Variants in CDK12 observed in about 807,000 individuals in gnomAD.
CDK12 encodes the protein cyclin-dependent kinase 12.
A neutral mutation model predicts 133.8 loss-of-function variants in CDK12; 17 were observed. The ratio of observed to expected loss-of-function variants is 0.13; its 90% CI spans 0.09 to 0.19. The LOEUF is 0.19. Among genes scored for constraint, CDK12 ranks in the 10% least tolerant of loss-of-function variants. CDK12 has a pLI of 1.00. For missense variants in CDK12, 1,508 were observed against 1,818.7 expected (o/e 0.83, Z 3.11); for synonymous variants, 694 against 683.6 (o/e 1.02, Z -0.24).
At chr17:39,552,321 G>C (rs541075516) in intron 2 of CDK12, among the ~76,000 whole-genome samples, 1 of 152,344 alleles carries the variant, frequency 6.6e-6, no homozygotes, top group African/African-American at 2.4e-5. Context: ...CTCTTGTTGG[G>C]AGAGCAGATA....
chr17:39,533,347 C>T lies in CDK12; in HGVS notation c.*2031C>T, dbSNP rs1416900436. On this transcript the variant is annotated 3_prime_UTR_variant, in exon 14 of 14. Coordinates refer to ENST00000447079, the MANE Select transcript of CDK12 (RefSeq NM_016507.4). Reference sequence around the variant, plus strand: ...GCTATTGGTAAATCGCATTAAAGTTCATCTGAACCTTCTGTCTGTTGACTT... The same window carrying T: ...GCTATTGGTAAATCGCATTAAAGTTTATCTGAACCTTCTGTCTGTTGACTT... The T allele has an allele frequency of 2.1e-5, 5 of 232,944 alleles. No individual in the cohort carries two copies. The highest frequency in any genetic ancestry group is 3.4e-5 in the Non-Finnish European group (4 of 117,904). The allele number at this position is 232,944 out of a possible 1,614,324, so 14.4% of individuals were successfully genotyped here. A position where few individuals can be genotyped will look rare whatever the true frequency, so the allele number is the denominator to read the frequency against.
Position 39,471,440 on chromosome 17 carries a change from A to AACC in CDK12, c.1608_1609insACC (p.Pro536_Pro537insThr). ...CTCTTCCCACAATTGCTTCTCCCCC[A>AACC]CCCCCTCTACCAACTACTACCCCTC... On this transcript the variant is annotated inframe_insertion, in exon 2 of 14. Transcript: ENST00000447079. 1 of 1,281,654 alleles carries AACC rather than the reference A, an allele frequency of 7.8e-7. No homozygotes were observed. The highest frequency in any genetic ancestry group is 1.0e-6 in the Non-Finnish European group (1 of 964,482). The allele number at this position is 1,281,654 out of a possible 1,614,324, so 79.4% of individuals were successfully genotyped here. A position where few individuals can be genotyped will look rare whatever the true frequency, so the allele number is the denominator to read the frequency against.
At chr17:39,497,291 C>A (rs1481354371) in intron 5 of CDK12, among the ~76,000 whole-genome samples, 2 of 152,044 alleles carry the variant, frequency 1.3e-5, no homozygotes, top group Admixed American at 6.6e-5. Flanking sequence ...TGCCTATAAT[C>A]CCAGCATTTT....
chr17:39,480,663 TC>T (rs2050572386), intron 2 of CDK12, among the ~76,000 whole-genome samples: 1 of 152,032 alleles, frequency 6.6e-6, no homozygotes, highest in African/African-American at 2.4e-5. Context: ...CCTCAAGTGA[TC>T]CACCTGCCTT....
chr17:39,521,351 A>G (rs1289038015), intron 11 of CDK12, among the ~76,000 whole-genome samples: 2 of 151,540 alleles, frequency 1.3e-5, no homozygotes, highest in Admixed American at 1.3e-4. Context: ...GCTCACTGCA[A>G]TCTCCGCCTC....
intron 3 of CDK12, among the ~76,000 whole-genome samples, chr17:39,491,701 A>AT (rs766596742): frequency 0.066 from 7,728 of 117,906 alleles, 259 homozygotes; most frequent in Non-Finnish European, 0.087. Flanking sequence ...CTGTTTATGT[A>AT]TTTTTTTTTT....
At chr17:39,489,183 C>G (rs768288415) in intron 2 of CDK12, among the ~76,000 whole-genome samples, 1 of 151,438 alleles carries the variant, frequency 6.6e-6, no homozygotes, top group Non-Finnish European at 1.5e-5. Context: ...GGGGTTCAAG[C>G]AGTTCTCCTG....
At chr17:39,563,088 T>A (rs2056439904) in intron 3 of CDK12, among the ~76,000 whole-genome samples, 1 of 152,118 alleles carries the variant, frequency 6.6e-6, no homozygotes, top group Non-Finnish European at 1.5e-5. Context: ...ATTAATGTCT[T>A]CTCGGCTCAG....
intron 1 of CDK12, among the ~76,000 whole-genome samples, chr17:39,470,263 G>A (rs9747574): frequency 6.6e-6 from 1 of 151,696 alleles, no homozygotes; most frequent in Non-Finnish European, 1.5e-5. Flanking sequence ...TGGGACTACA[G>A]GTGCCTGCCA....
intron 8 of CDK12, among the ~76,000 whole-genome samples, chr17:39,512,789 T>C (rs1416677463): frequency 6.6e-6 from 1 of 152,214 alleles, no homozygotes; most frequent in Non-Finnish European, 1.5e-5. Context: ...AGTTAATTCT[T>C]TCATTTTATA....
At chr17:39,564,841 G>C (rs2056515824), downstream of CDK12, 1 of 152,264 alleles carries the variant, frequency 6.6e-6, no homozygotes, top group Admixed American at 6.5e-5. Flanking sequence ...TTCTGAACAG[G>C]GAAGAGTGGA....
intron 12 of CDK12, among the ~76,000 whole-genome samples, chr17:39,525,387 G>A (rs918886809): frequency 2.0e-5 from 3 of 151,998 alleles, no homozygotes; most frequent in Non-Finnish European, 2.9e-5. Context: ...CCAATTCTTC[G>A]GGACAAAAGA....
intron 1 of CDK12, chr17:39,550,507 T>C (rs2055911043): frequency 1.3e-5 from 2 of 151,992 alleles, no homozygotes; most frequent in South Asian, 2.1e-4. Context: ...TGCTGTAAAA[T>C]TGTGAAAGGA....
intron 2 of CDK12, among the ~76,000 whole-genome samples, chr17:39,478,148 T>TG (rs1485659109): frequency 6.6e-6 from 1 of 151,646 alleles, no homozygotes; most frequent in African/African-American, 2.4e-5. Flanking sequence ...CCTTCCACCT[T>TG]GGCATCCCTA....
At position 39,511,637 on chromosome 17, in the gene CDK12, T is replaced by A. The variant is rs1344525608; in HGVS notation, c.2768+7T>A. ...TAGATGTTTGGAGCTGTGGGTAAGG[T>A]TCTGTTAACTTTTTCTTTTGTCTGT... On this transcript the variant is annotated splice_region_variant and intron_variant, in intron 8 of 13. Transcript: ENST00000447079. 1 of 1,581,280 alleles carries A rather than the reference T, an allele frequency of 6.3e-7. No individual in the cohort carries two copies. The highest frequency in any genetic ancestry group is 8.7e-7 in the Non-Finnish European group (1 of 1,152,250).
intron 3 of CDK12, among the ~76,000 whole-genome samples, chr17:39,561,641 C>A (rs1039050568): frequency 2.0e-5 from 3 of 152,186 alleles, no homozygotes; most frequent in African/African-American, 7.2e-5. Flanking sequence ...GGCTCCTCTC[C>A]TGGGAGTTCT....
intron 6 of CDK12, among the ~76,000 whole-genome samples, chr17:39,503,516 C>A (rs1002857232): frequency 3.3e-5 from 5 of 152,106 alleles, no homozygotes; most frequent in African/African-American, 1.2e-4. Flanking sequence ...GTATAATATA[C>A]TTTCTGCTGT....
intron 6 of CDK12, among the ~76,000 whole-genome samples, chr17:39,505,330 T>C (rs2053037723): frequency 6.6e-6 from 1 of 150,728 alleles, no homozygotes; most frequent in East Asian, 1.9e-4. Flanking sequence ...ATCGAGACCA[T>C]CCTGGCCAAC....
chr17:39,492,636 C>T, intron 3 of CDK12, 115 bp from the exon 4 acceptor site: 3 of 679,126 alleles, frequency 4.4e-6, no homozygotes, highest in Non-Finnish European at 7.3e-6. Flanking sequence ...GTCTCGATCT[C>T]CTGACCTCGT....
Sources: gnomAD v4.1 joint callset for allele counts (sites outside exome capture counted in the v4.1 genomes callset) on GRCh38, gnomAD v4.1.1 for gene constraint, MANE v1.5 for transcripts, NCBI Gene and HGNC (gene_info 2026-07-23, HGNC 2026-07-21) for gene names.